RARB: variants seen among roughly 807,000 people sequenced by gnomAD.
The protein encoded by RARB is HBV-activated protein.
Under a neutral mutation model 51.9 loss-of-function variants are expected in RARB, and 17 were observed. That is an observed-to-expected ratio of 0.33 (90% CI 0.22 to 0.49). The LOEUF (loss-of-function observed/expected upper bound fraction) is 0.49, where lower values mean the gene tolerates loss of function less well. Ranked by LOEUF, RARB falls within the 20% of genes least tolerant of loss-of-function variation. The pLI, the probability that RARB is intolerant of heterozygous loss-of-function variation, is 0.99. For missense variants in RARB, 369 were observed against 550.8 expected, an observed-to-expected ratio of 0.67 and a Z score of 3.30; for synonymous variants, 215 against 195.4, an observed-to-expected ratio of 1.10 and a Z score of -0.84.
chr3:25,393,366 C>A (rs1707026737), intron 5 of RARB, among the ~76,000 whole-genome samples: 1 of 151,398 alleles, frequency 6.6e-6, no homozygotes, highest in Admixed American at 6.6e-5. Flanking sequence ...TTGTTATGTC[C>A]TTTACTGGTT....
At chr3:25,144,718 T>C (rs551561716) in intron 4 of RARB, among the ~76,000 whole-genome samples, 38 of 152,180 alleles carry the variant, frequency 2.5e-4, no homozygotes, top group Non-Finnish European at 4.7e-4. Context: ...TACTTAGCAA[T>C]GGTCTCACAT....
At chr3:25,207,999 A>G (rs572176434) in intron 5 of RARB, among the ~76,000 whole-genome samples, 8 of 150,832 alleles carry the variant, frequency 5.3e-5, no homozygotes, top group African/African-American at 1.9e-4. Context: ...TCACATGGCA[A>G]AAGTGGGAGC....
chr3:25,551,624 C>G (rs1163491179), intron 3 of RARB, among the ~76,000 whole-genome samples: 5 of 152,160 alleles, frequency 3.3e-5, no homozygotes, highest in Non-Finnish European at 5.9e-5. Flanking sequence ...ACATCTGACG[C>G]TTAGGAGAAA....
At chr3:25,254,642 T>G (rs1263019195) in intron 5 of RARB, among the ~76,000 whole-genome samples, 4 of 151,868 alleles carry the variant, frequency 2.6e-5, no homozygotes, top group Non-Finnish European at 5.9e-5. Context: ...ATATTTAAAA[T>G]CAAGGCAAGG....
intron 3 of RARB, among the ~76,000 whole-genome samples, chr3:25,559,946 G>C (rs921295969): frequency 1.3e-5 from 2 of 152,170 alleles, no homozygotes; most frequent in African/African-American, 4.8e-5. Context: ...TGTCTATTTG[G>C]ATGGATAGAC....
intron 5 of RARB, among the ~76,000 whole-genome samples, chr3:25,369,616 C>T (rs1706237181): frequency 6.6e-6 from 1 of 152,306 alleles, no homozygotes; most frequent in Non-Finnish European, 1.5e-5. Flanking sequence ...CATAAGCAAG[C>T]AGATTCAAAG....
intron 2 of RARB, among the ~76,000 whole-genome samples, chr3:25,480,898 G>C (rs951061925): frequency 6.6e-6 from 1 of 152,134 alleles, no homozygotes; most frequent in Admixed American, 6.6e-5. Context: ...TGGATGGCTT[G>C]TCAAAGGATC....
At chr3:25,490,350 T>C (rs1026192356) in intron 2 of RARB, among the ~76,000 whole-genome samples, 2 of 152,214 alleles carry the variant, frequency 1.3e-5, no homozygotes, top group East Asian at 1.9e-4. Flanking sequence ...ATCATAATTA[T>C]TTGGGTCTGT....
intron 1 of RARB, among the ~76,000 whole-genome samples, chr3:24,855,435 G>A (rs1345857970): frequency 1.3e-5 from 2 of 152,162 alleles, no homozygotes. Flanking sequence ...TTGCAGACTT[G>A]ACTTCTGTAT....
At chr3:24,894,859 A>G (rs1284850590) in intron 2 of RARB, among the ~76,000 whole-genome samples, 3 of 152,216 alleles carry the variant, frequency 2.0e-5, no homozygotes, top group African/African-American at 7.2e-5. Flanking sequence ...GAGCAAAATA[A>G]TGTGGTAGAA....
At chr3:25,465,013 T>A (rs1695361944) in intron 2 of RARB, among the ~76,000 whole-genome samples, 1 of 152,198 alleles carries the variant, frequency 6.6e-6, no homozygotes. Context: ...CTTTAAATTA[T>A]GGCCTTTAAG....
intron 5 of RARB, among the ~76,000 whole-genome samples, chr3:25,402,845 T>A (rs1707301349): frequency 6.6e-6 from 1 of 151,818 alleles, no homozygotes; most frequent in Non-Finnish European, 1.5e-5. Flanking sequence ...TGAGGATGGT[T>A]AATGGGTACA....
chr3:25,043,604 C>G (rs779570762), intron 2 of RARB, among the ~76,000 whole-genome samples: 1 of 152,014 alleles, frequency 6.6e-6, no homozygotes, highest in Admixed American at 6.6e-5. Flanking sequence ...CCATGGAGTT[C>G]AGGGAGAGAA....
chr3:25,253,855 C>T (rs1360797674), intron 5 of RARB, among the ~76,000 whole-genome samples: 1 of 152,122 alleles, frequency 6.6e-6, no homozygotes, highest in African/African-American at 2.4e-5. Context: ...ATTTCTGGAA[C>T]CGCACCTTTA....
chr3:25,024,683 G>C (rs190435375), intron 2 of RARB, among the ~76,000 whole-genome samples: 36 of 152,296 alleles, frequency 2.4e-4, no homozygotes, highest in Admixed American at 2.0e-3. Context: ...TGGGCACGGT[G>C]GCTCATGCCT....
intron 2 of RARB, among the ~76,000 whole-genome samples, chr3:25,040,343 A>G (rs1698086693): frequency 1.3e-5 from 2 of 152,212 alleles, no homozygotes; most frequent in African/African-American, 4.8e-5. Flanking sequence ...CAATGGAAAT[A>G]TTCATAGGTG....
At chr3:24,972,360 T>A (rs1696418828) in intron 2 of RARB, among the ~76,000 whole-genome samples, 1 of 152,108 alleles carries the variant, frequency 6.6e-6, no homozygotes, top group Admixed American at 6.6e-5. Context: ...TGTGTGTATA[T>A]ACTGTACTTT....
chr3:24,842,527 C>A (rs538215403), intron 1 of RARB, among the ~76,000 whole-genome samples: 1 of 152,112 alleles, frequency 6.6e-6, no homozygotes, highest in Non-Finnish European at 1.5e-5. Flanking sequence ...ATATTAAATC[C>A]TTTTCTATTT....
At chr3:24,915,345 C>T (rs1288497846) in intron 2 of RARB, among the ~76,000 whole-genome samples, 2 of 152,114 alleles carry the variant, frequency 1.3e-5, no homozygotes, top group Non-Finnish European at 1.5e-5. Context: ...TATTTTAACA[C>T]AAATCATATT....
Sources: allele counts gnomAD v4.1 joint callset (sites outside exome capture counted in the v4.1 genomes callset), GRCh38; gene constraint gnomAD v4.1.1; transcripts MANE v1.5; gene names NCBI Gene and HGNC (gene_info 2026-07-23, HGNC 2026-07-21).